DPP6: variants seen among roughly 807,000 people sequenced by gnomAD.
The protein encoded by DPP6 is dipeptidyl peptidase like 6.
A neutral mutation model predicts 122.6 loss-of-function variants in DPP6; 69 were observed. The observed-to-expected ratio is 0.56, with a 90% CI of 0.46 to 0.69. The LOEUF (loss-of-function observed/expected upper bound fraction) is 0.69, where lower values mean the gene tolerates loss of function less well. Among genes scored for constraint, DPP6 ranks in the 30% least tolerant of loss-of-function variants. The pLI is 0.00. For missense variants in DPP6, 928 were observed against 1,116.9 expected (o/e 0.83, Z 2.41); for synonymous variants, 418 against 433.1 (o/e 0.97, Z 0.43).
At chr7:154,664,361 T>G (rs955933383) in intron 6 of DPP6, among the ~76,000 whole-genome samples, 1 of 152,256 alleles carries the variant, frequency 6.6e-6, no homozygotes, top group African/African-American at 2.4e-5. Flanking sequence ...AAAGAAAAGT[T>G]AATCCCCTGC....
In DPP6 at chr7:154,142,309, G is replaced by T. The variant is rs186877962; in HGVS notation, c.243+89246G>T. Among the ~76,000 whole-genome samples the T allele has an allele frequency of 2.7e-3, 409 of 152,226 alleles. 2 individuals are homozygous for T. Among genetic ancestry groups the T allele is most frequent in the African/African-American group, 9.5e-3 (395 of 41,540 alleles). On this transcript the variant is annotated intron_variant, in intron 1 of 25. Coordinates refer to ENST00000377770, the MANE Select transcript of DPP6 (RefSeq NM_130797.4). The stretch of plus-strand genomic sequence containing the variant: ...AAGAAACTGGAATTTAGTTGGCATT[G>T]GATAATGTATTTGGTTTGAGATTTG...
chr7:154,819,986 G>A (rs1799657066), intron 16 of DPP6, among the ~76,000 whole-genome samples: 1 of 152,212 alleles, frequency 6.6e-6, no homozygotes, highest in African/African-American at 2.4e-5. Flanking sequence ...AGAGTGGACG[G>A]TGGGGCTGGA....
chr7:154,730,028 G>A (rs146864875), intron 8 of DPP6, among the ~76,000 whole-genome samples: 175 of 152,322 alleles, frequency 1.1e-3, no homozygotes, highest in African/African-American at 4.0e-3. Flanking sequence ...ACCTCTGCCT[G>A]GGGTGCAATC....
At chr7:153,825,914 G>A in the DPP6 span, among the ~76,000 whole-genome samples, 1 of 152,018 alleles carries the variant, frequency 6.6e-6, no homozygotes, top group Non-Finnish European at 1.5e-5. Flanking sequence ...TTCATAGGAG[G>A]CACCCAGTAA....
At chr7:154,010,785 C>A (rs1050275311) in intron 1 of DPP6, among the ~76,000 whole-genome samples, 1 of 152,160 alleles carries the variant, frequency 6.6e-6, no homozygotes, top group African/African-American at 2.4e-5. Flanking sequence ...CCCAACTGTG[C>A]AAGTGGATTG....
intron 1 of DPP6, among the ~76,000 whole-genome samples, chr7:154,119,455 A>G (rs1807269486): frequency 1.3e-5 from 2 of 152,082 alleles, no homozygotes; most frequent in South Asian, 2.1e-4. Context: ...AAAAGCTTGC[A>G]AGAATTGTGC....
At chr7:154,361,967 C>T (rs1811764827) in intron 1 of DPP6, among the ~76,000 whole-genome samples, 1 of 152,192 alleles carries the variant, frequency 6.6e-6, no homozygotes. Flanking sequence ...TCAGGTTCAG[C>T]CCTAGAAGCC....
At chr7:154,257,051 C>T (rs1802705731) in intron 1 of DPP6, among the ~76,000 whole-genome samples, 2 of 142,650 alleles carry the variant, frequency 1.4e-5, no homozygotes, top group South Asian at 2.2e-4. Flanking sequence ...GGTTGGAAAG[C>T]AGTGGTGTGA....
intron 3 of DPP6, among the ~76,000 whole-genome samples, chr7:154,504,220 A>C (rs1466863361): frequency 6.6e-6 from 1 of 152,162 alleles, no homozygotes; most frequent in South Asian, 2.1e-4. Context: ...TAGCTGGAGA[A>C]TTGATGGCGA....
At chr7:154,535,725 T>C (rs377532799) in intron 3 of DPP6, among the ~76,000 whole-genome samples, 2 of 151,804 alleles carry the variant, frequency 1.3e-5, no homozygotes, top group African/African-American at 4.8e-5. Context: ...TTTTTCAAGA[T>C]AGTTTGCAAA....
chr7:154,614,704 T>C (rs550611728), intron 5 of DPP6, among the ~76,000 whole-genome samples: 2 of 152,362 alleles, frequency 1.3e-5, no homozygotes, highest in South Asian at 4.1e-4. Context: ...AATGTTTCAT[T>C]TAATTGAAGC....
chr7:153,882,620 G>A (rs553276425), upstream of DPP6, among the ~76,000 whole-genome samples: 5 of 152,334 alleles, frequency 3.3e-5, no homozygotes, highest in South Asian at 1.0e-3. Context: ...CATAAATTGA[G>A]GATGGAGCAA....
chr7:154,426,879 T>C (rs1817963313), intron 1 of DPP6, among the ~76,000 whole-genome samples: 1 of 151,264 alleles, frequency 6.6e-6, no homozygotes, highest in South Asian at 2.1e-4. Context: ...AACACAAAAT[T>C]CCAAGAGAAT....
intron 16 of DPP6, among the ~76,000 whole-genome samples, chr7:154,813,627 G>T (rs1799217669): frequency 6.6e-6 from 1 of 151,952 alleles, no homozygotes; most frequent in South Asian, 2.1e-4. Context: ...AAACTCAGTG[G>T]AACATTGTGG....
At chr7:154,253,631 A>G (rs1802485451) in intron 1 of DPP6, among the ~76,000 whole-genome samples, 2 of 152,328 alleles carry the variant, frequency 1.3e-5, no homozygotes, top group South Asian at 4.1e-4. Context: ...ATACTGGTAA[A>G]CATGATGATG....
At chr7:154,313,870 G>A (rs1807189607) in intron 1 of DPP6, among the ~76,000 whole-genome samples, 1 of 150,624 alleles carries the variant, frequency 6.6e-6, no homozygotes, top group South Asian at 2.1e-4. Context: ...ATATTTTGAT[G>A]TTCATTTTGA....
chr7:154,137,784 TCTC>T (rs1393660565), intron 1 of DPP6, among the ~76,000 whole-genome samples: 25 of 152,070 alleles, frequency 1.6e-4, no homozygotes, highest in African/African-American at 2.7e-4. Context: ...GACCTCCACT[TCTC>T]CTCTCACAGG....
the DPP6 span, among the ~76,000 whole-genome samples, chr7:153,783,611 G>T: frequency 6.8e-4 from 104 of 152,220 alleles, no homozygotes; most frequent in African/African-American, 2.4e-3. Flanking sequence ...TAGATGTAAA[G>T]ATATGGAAGT....
intron 3 of DPP6, among the ~76,000 whole-genome samples, chr7:154,498,639 G>A (rs1007222390): frequency 6.6e-6 from 1 of 152,168 alleles, no homozygotes; most frequent in Non-Finnish European, 1.5e-5. Context: ...AGCCCAGCCA[G>A]ATAGACCATC....
Sources: gnomAD v4.1 joint callset for allele counts (sites outside exome capture counted in the v4.1 genomes callset) on GRCh38, gnomAD v4.1.1 for gene constraint, MANE v1.5 for transcripts, NCBI Gene and HGNC (gene_info 2026-07-23, HGNC 2026-07-21) for gene names.